Variants in RSU1 observed in about 807,000 individuals in gnomAD.
RSU1 encodes rsu-1.
Under a neutral mutation model 31.1 loss-of-function variants are expected in RSU1, and 26 were observed. The ratio of observed to expected loss-of-function variants is 0.84; its 90% CI spans 0.61 to 1.16. The LOEUF (loss-of-function observed/expected upper bound fraction) is 1.16. RSU1 is among the 50% of genes most tolerant of loss of function. The pLI is 0.00. For synonymous variants in RSU1, 164 were observed against 136.3 expected, an observed-to-expected ratio of 1.20 and a Z score of -1.41; for missense variants, 320 against 339.1, an observed-to-expected ratio of 0.94 and a Z score of 0.44.
intron 7 of RSU1, among the ~76,000 whole-genome samples, chr10:16,733,756 AAGCTTGAATG>A (rs771169984): frequency 6.6e-5 from 10 of 152,330 alleles, no homozygotes; most frequent in East Asian, 1.9e-4. Context: ...TATCTATTAA[AAGCTTGAATG>A]AGCTTGAATG....
intron 7 of RSU1, among the ~76,000 whole-genome samples, chr10:16,737,032 GA>G (rs1252645074): frequency 6.9e-6 from 1 of 145,942 alleles, no homozygotes; most frequent in African/African-American, 2.5e-5. Flanking sequence ...TGGGGGAGGG[GA>G]GGGGGGAAGA....
At position 16,645,894 on chromosome 10, in the gene RSU1, G is replaced by GTA. The variant is rs1253532163; in HGVS notation, c.731+49127_731+49128dup. 9.6e-5 allele frequency among the ~76,000 whole-genome samples: 6 copies of GTA among 62,514 alleles called. 1 individual carries two copies. The South Asian group carries it at 1.9e-3, about 20-fold the overall frequency. The allele number at this position is 62,514 out of a possible 152,430, so 41.0% of individuals were successfully genotyped here. Reference sequence around the variant, plus strand: ...TACATATATGTGTATATACATATATGTATATACACATATATGTATATATAT... The same window carrying GTA: ...TACATATATGTGTATATACATATATGTATATATACACATATATGTATATATAT... On this transcript the variant is annotated intron_variant, in intron 8 of 8. Coordinates refer to ENST00000345264, the MANE Select transcript of RSU1 (RefSeq NM_012425.4).
intron 8 of RSU1, among the ~76,000 whole-genome samples, chr10:16,673,247 G>A (rs1397984085): frequency 6.8e-6 from 1 of 147,316 alleles, no homozygotes; most frequent in Non-Finnish European, 1.5e-5. Flanking sequence ...TGATACTGTG[G>A]TTCTGACAAT....
intron 8 of RSU1, among the ~76,000 whole-genome samples, chr10:16,611,639 T>G (rs990228121): frequency 6.6e-6 from 1 of 152,204 alleles, no homozygotes; most frequent in South Asian, 2.1e-4. Context: ...TCCCATGTAC[T>G]GGGGGCTGAC....
chr10:16,674,806 C>T lies in RSU1; in HGVS notation c.731+20217G>A, dbSNP rs773087432. ...CAGCACTGTGGGAGGCCGAGGTGGG[C>T]AGATCACTTGAGACTCAGGAGTTCG... is the stretch of plus-strand genomic sequence containing the variant. On this transcript the variant is annotated intron_variant, in intron 8 of 8. Coordinates refer to ENST00000345264, the MANE Select transcript of RSU1 (RefSeq NM_012425.4). 1.2e-4 allele frequency among the ~76,000 whole-genome samples: 18 copies of T among 152,034 alleles called. 1 individual carries two copies. The highest frequency in any genetic ancestry group is 2.9e-5 in the Non-Finnish European group (2 of 68,008).
chr10:16,609,914 G>A (rs1588672764), intron 8 of RSU1, among the ~76,000 whole-genome samples: 2 of 152,138 alleles, frequency 1.3e-5, no homozygotes, highest in Non-Finnish European at 2.9e-5. Flanking sequence ...ACATATCTCT[G>A]CAGAATAGCG....
intron 8 of RSU1, among the ~76,000 whole-genome samples, chr10:16,641,990 G>C (rs190288598): frequency 1.1e-4 from 17 of 152,294 alleles, no homozygotes; most frequent in Admixed American, 6.5e-4. Flanking sequence ...TTTTAGCGCT[G>C]ACAATCTAAG....
At chr10:16,687,934 C>T (rs997360613) in intron 8 of RSU1, among the ~76,000 whole-genome samples, 2 of 152,132 alleles carry the variant, frequency 1.3e-5, no homozygotes, top group South Asian at 4.2e-4. Context: ...GTTGCCCAGG[C>T]TGGTCTTGAA....
intron 2 of RSU1, among the ~76,000 whole-genome samples, chr10:16,796,505 A>G (rs1838036640): frequency 6.6e-6 from 1 of 152,138 alleles, no homozygotes; most frequent in Non-Finnish European, 1.5e-5. Flanking sequence ...CCAAAGGCCC[A>G]TTAGACTCTT....
intron 7 of RSU1, among the ~76,000 whole-genome samples, chr10:16,743,816 T>C (rs1836796887): frequency 6.6e-6 from 1 of 152,216 alleles, no homozygotes; most frequent in South Asian, 2.1e-4. Context: ...ATAATCGCAC[T>C]ACATCTTTTC....
intron 3 of RSU1, among the ~76,000 whole-genome samples, chr10:16,776,344 A>G (rs1012988735): frequency 6.6e-6 from 1 of 152,246 alleles, no homozygotes; most frequent in Non-Finnish European, 1.5e-5. Context: ...TCTGCATAAA[A>G]TTTAAAAGTA....
intron 2 of RSU1, among the ~76,000 whole-genome samples, chr10:16,800,927 A>G (rs1174368349): frequency 6.6e-6 from 1 of 151,562 alleles, no homozygotes; most frequent in Non-Finnish European, 1.5e-5. Context: ...TAAATGCTCA[A>G]TTAAAGCCAC....
intron 3 of RSU1, among the ~76,000 whole-genome samples, chr10:16,772,943 A>G (rs1837452239): frequency 6.6e-6 from 1 of 152,292 alleles, no homozygotes. Flanking sequence ...GCAGTGGCTC[A>G]CACCTGTAAT....
At chr10:16,626,331 G>A (rs1299844729) in intron 8 of RSU1, among the ~76,000 whole-genome samples, 1 of 152,060 alleles carries the variant, frequency 6.6e-6, no homozygotes, top group Admixed American at 6.6e-5. Flanking sequence ...GGCCACAGGT[G>A]CATGCCACCA....
At chr10:16,624,117 C>T (rs1294517145) in intron 8 of RSU1, among the ~76,000 whole-genome samples, 1 of 152,140 alleles carries the variant, frequency 6.6e-6, no homozygotes, top group Non-Finnish European at 1.5e-5. Flanking sequence ...GTCATGTCAA[C>T]TACACATAGT....
chr10:16,766,425 A>C (rs370992848), intron 3 of RSU1, among the ~76,000 whole-genome samples: 3 of 152,178 alleles, frequency 2.0e-5, no homozygotes, highest in Non-Finnish European at 2.9e-5. Flanking sequence ...TTACCAAGAA[A>C]ATCACCAGGG....
At chr10:16,596,106 G>GT (rs1181841093) in intron 8 of RSU1, among the ~76,000 whole-genome samples, 2 of 152,182 alleles carry the variant, frequency 1.3e-5, no homozygotes, top group Non-Finnish European at 2.9e-5. Context: ...TGTGTCCCAG[G>GT]TGGGAGACCA....
At chr10:16,775,854 A>C (rs1220353766) in intron 3 of RSU1, among the ~76,000 whole-genome samples, 4 of 152,232 alleles carry the variant, frequency 2.6e-5, no homozygotes, top group Admixed American at 1.3e-4. Context: ...ATGTGCAGTA[A>C]TTTAAAAAAA....
chr10:16,653,917 G>C (rs1189137813), intron 8 of RSU1, among the ~76,000 whole-genome samples: 3 of 152,044 alleles, frequency 2.0e-5, no homozygotes, highest in Admixed American at 2.0e-4. Context: ...AAACACACAA[G>C]TAAAGGCTCT....
Sources: allele counts gnomAD v4.1 joint callset (sites outside exome capture counted in the v4.1 genomes callset), GRCh38; gene constraint gnomAD v4.1.1; transcripts MANE v1.5; gene names NCBI Gene and HGNC (gene_info 2026-07-23, HGNC 2026-07-21).